The following VAV1 variants were observed in gnomAD, a reference collection of about 807,000 sequenced individuals.
The protein encoded by VAV1 is vav guanine nucleotide exchange factor 1.
A neutral mutation model predicts 128.1 loss-of-function variants in VAV1; 33 were observed. The ratio of observed to expected loss-of-function variants is 0.26; its 90% CI spans 0.20 to 0.34. The LOEUF is 0.34. VAV1 is among the 10% of genes least tolerant of loss of function. The pLI, the probability that VAV1 is intolerant of heterozygous loss-of-function variation, is 1.00. For synonymous variants in VAV1, 394 were observed against 409.8 expected (o/e 0.96, Z 0.47); for missense variants, 715 against 1,093.7 (o/e 0.65, Z 4.88).
intron 14 of VAV1, among the ~76,000 whole-genome samples, chr19:6,830,952 C>G (rs1972040439): frequency 6.6e-6 from 1 of 151,938 alleles, no homozygotes; most frequent in African/African-American, 2.4e-5. Flanking sequence ...TTTAGCTGGG[C>G]TTGGTGGCAC....
At chr19:6,837,094 G>T in intron 21 of VAV1, 44 bp downstream of exon 21, 1 of 1,604,000 alleles carries the variant, frequency 6.2e-7, no homozygotes, top group Non-Finnish European at 8.5e-7. Flanking sequence ...AGGGGTCCAG[G>T]GCGGGTCCTG....
At chr19:6,786,315 T>C (rs1056861591) in intron 1 of VAV1, among the ~76,000 whole-genome samples, 2 of 152,070 alleles carry the variant, frequency 1.3e-5, no homozygotes, top group African/African-American at 4.8e-5. Flanking sequence ...CCTCGTGTTT[T>C]AAAAATTATC....
At chr19:6,782,150 C>T (rs1970778541) in intron 1 of VAV1, among the ~76,000 whole-genome samples, 1 of 151,724 alleles carries the variant, frequency 6.6e-6, no homozygotes, top group Admixed American at 6.6e-5. Context: ...TCCAACATGG[C>T]GAAAGCCCAA....
rs57771330 is a variant in VAV1 at position 6,777,234 on chromosome 19, T to TATCCATCC, written c.204+4269_204+4276dup. Among the ~76,000 whole-genome samples, 10 of 145,422 alleles carry TATCCATCC rather than the reference T, an allele frequency of 6.9e-5. No homozygotes were observed. Among genetic ancestry groups the TATCCATCC allele is most frequent in the South Asian group, 2.3e-4 (1 of 4,378 alleles). On this transcript the variant is annotated intron_variant, in intron 1 of 26. Coordinates refer to ENST00000602142, the MANE Select transcript of VAV1 (RefSeq NM_005428.4). The surrounding 1 kb of genome is among the most constrained non-coding windows in gnomAD (Gnocchi z 4.4). Reference sequence around the variant, plus strand: ...TCATCCATCCATTTATCTGTTTAACTATCCATCCATCCATCCATCCATCCA... The same window carrying TATCCATCC: ...TCATCCATCCATTTATCTGTTTAACTATCCATCCATCCATCCATCCATCCATCCATCCA...
chr19:6,826,839 T>A lies in VAV1; in HGVS notation c.927+128T>A. 1.3e-6 allele frequency: 1 copy of A among 752,636 alleles called. No individual in the cohort carries two copies. The highest frequency in any genetic ancestry group is 2.2e-6 in the Non-Finnish European group (1 of 448,012). The allele number at this position is 752,636 out of a possible 1,614,324, so 46.6% of individuals were successfully genotyped here. On this transcript the variant is annotated intron_variant, in intron 9 of 26. Coordinates refer to ENST00000602142, the MANE Select transcript of VAV1 (RefSeq NM_005428.4). This position sits in a 1 kb window ranked among gnomAD's most constrained non-coding sequence, Gnocchi z 4.1. ...CCCAGCCAGAGATCCACCAAAGGACTAGGGAGGGAGGTACTAGCCAGCCAA... is the reference window on the plus strand; with the variant it reads ...CCCAGCCAGAGATCCACCAAAGGACAAGGGAGGGAGGTACTAGCCAGCCAA...
intron 18 of VAV1, 86 bp downstream of exon 18, chr19:6,833,819 G>A: frequency 6.2e-7 from 1 of 1,613,644 alleles, no homozygotes; most frequent in South Asian, 1.1e-5. Context: ...GAACTGGGCA[G>A]GATCCTTTGT....
Position 6,814,709 on chromosome 19 carries a change from T to TTTCC in VAV1, c.205-5990_205-5989insCTTC, listed in dbSNP as rs1971602000. Among the ~76,000 whole-genome samples the TTTCC allele has an allele frequency of 4.3e-5, 6 of 138,238 alleles. No homozygotes were observed. In the East Asian group the frequency reaches 6.3e-4, roughly 14 times the overall value. The allele number at this position is 138,238 out of a possible 152,430, so 90.7% of individuals were successfully genotyped here. A position where few individuals can be genotyped will look rare whatever the true frequency, so the allele number is the denominator to read the frequency against. ...CTTTCTTTCTTTCTTTCTTTCTTTC[T>TTTCC]TTCTTTCTTTCTTTCTTTCTTTCCT... On this transcript the variant is annotated intron_variant, in intron 1 of 26. Coordinates refer to ENST00000602142, the MANE Select transcript of VAV1 (RefSeq NM_005428.4).
At chr19:6,794,891 G>T (rs1441337492) in intron 1 of VAV1, among the ~76,000 whole-genome samples, 4 of 152,134 alleles carry the variant, frequency 2.6e-5, no homozygotes, top group Non-Finnish European at 5.9e-5. Context: ...CTGGGAACTA[G>T]AATGCTCTGG....
At chr19:6,854,731 A>G (rs1466852299) in intron 26 of VAV1, among the ~76,000 whole-genome samples, 1 of 152,016 alleles carries the variant, frequency 6.6e-6, no homozygotes, top group African/African-American at 2.4e-5. Flanking sequence ...AGAAAGAATA[A>G]AAGAGATTGT....
chr19:6,845,974 TATATA>T (rs937676363), intron 22 of VAV1, among the ~76,000 whole-genome samples: 237 of 148,796 alleles, frequency 1.6e-3, no homozygotes, highest in African/African-American at 5.3e-3. Flanking sequence ...TCATATGCGT[TATATA>T]ATATACTATA....
In VAV1 at chr19:6,828,594, G is replaced by T. The variant is rs1000018546; in HGVS notation, c.1093-28G>T. Reference sequence around the variant, plus strand: ...AGGAGCCTGGGTCGGCTGTTGGGGGGCCAGGTTCACCCCTGCCCCCTCCCC... The same window carrying T: ...AGGAGCCTGGGTCGGCTGTTGGGGGTCCAGGTTCACCCCTGCCCCCTCCCC... On this transcript the variant is annotated intron_variant, in intron 11 of 26. Transcript: ENST00000602142. This position sits in a 1 kb window ranked among gnomAD's most constrained non-coding sequence, Gnocchi z 4.5. 6.2e-7 allele frequency: 1 copy of T among 1,613,706 alleles called. No individual in the cohort carries two copies. Among genetic ancestry groups the T allele is most frequent in the African/African-American group, 1.3e-5 (1 of 74,884 alleles).
chr19:6,847,919 GA>G, intron 22 of VAV1, 78 bp from the exon 23 acceptor site: 1 of 1,323,328 alleles, frequency 7.6e-7, no homozygotes, highest in Non-Finnish European at 1.0e-6. Flanking sequence ...GGTTCAGGGG[GA>G]AAGGCAACCT....
intron 1 of VAV1, among the ~76,000 whole-genome samples, chr19:6,789,260 CTT>C (rs771682522): frequency 6.9e-6 from 1 of 144,910 alleles, no homozygotes; most frequent in Non-Finnish European, 1.5e-5. Context: ...CTCCTTTCTT[CTT>C]TTTTTTTTTT....
intron 21 of VAV1, among the ~76,000 whole-genome samples, chr19:6,840,928 C>A (rs922360723): frequency 1.3e-5 from 2 of 152,032 alleles, no homozygotes; most frequent in African/African-American, 4.8e-5. Context: ...CAGGCATGCA[C>A]CACCACACCA....
rs1433600120 is a variant in VAV1, at chr19:6,836,898, CACGT to C, written c.1915-86_1915-83del. The C allele has an allele frequency of 1.4e-4, 187 of 1,305,340 alleles. 1 individual carries two copies. In the African/African-American group the frequency reaches 2.5e-3, roughly 17 times the overall value. The allele number at this position is 1,305,340 out of a possible 1,614,324, so 80.9% of individuals were successfully genotyped here. A position where few individuals can be genotyped will look rare whatever the true frequency, so the allele number is the denominator to read the frequency against. ...CACACACGAGTGATGGGGCAGGATC[CACGT>C]GTAGGGTTATGGGTTTAGATGGCAG... On this transcript the variant is annotated intron_variant, in intron 20 of 26. Coordinates refer to ENST00000602142, the MANE Select transcript of VAV1 (RefSeq NM_005428.4).
At chr19:6,781,592 G>C (rs949937342) in intron 1 of VAV1, among the ~76,000 whole-genome samples, 14 of 149,660 alleles carry the variant, frequency 9.4e-5, no homozygotes, top group Middle Eastern at 6.9e-3. Context: ...TAGAACTACT[G>C]ACCTTTTCTC....
At chr19:6,808,048 C>G (rs1415707592) in intron 1 of VAV1, among the ~76,000 whole-genome samples, 1 of 150,260 alleles carries the variant, frequency 6.7e-6, no homozygotes, top group Non-Finnish European at 1.5e-5. Flanking sequence ...CGCGGTGGCT[C>G]AAGCCTATAA....
chr19:6,827,985 C>CA (rs2144781580), intron 9 of VAV1, 91 bp from the exon 10 acceptor site: 1 of 1,058,564 alleles, frequency 9.4e-7, no homozygotes, highest in Admixed American at 1.8e-5. Context: ...GAGAGCTGCT[C>CA]ACGTATTTAT....
chr19:6,810,796 T>C (rs1272033243), intron 1 of VAV1, among the ~76,000 whole-genome samples: 3 of 152,078 alleles, frequency 2.0e-5, no homozygotes, highest in African/African-American at 7.2e-5. Context: ...TGGGTGGTAA[T>C]GGCACCATTG....
Sources: gnomAD v4.1 joint callset for allele counts (sites outside exome capture counted in the v4.1 genomes callset) on GRCh38, gnomAD v4.1.1 for gene constraint, Gnocchi (gnomAD v3.1) non-coding constraint, MANE v1.5 for transcripts, NCBI Gene and HGNC (gene_info 2026-07-23, HGNC 2026-07-21) for gene names.